The following ASPHD2 variants were observed in gnomAD, a reference collection of about 807,000 sequenced individuals.
ASPHD2 encodes aspartate beta-hydroxylase domain containing 2.
In ASPHD2, 12 loss-of-function variants were observed where a neutral mutation model predicts 34.6. That is an observed-to-expected ratio of 0.35 (90% CI 0.22 to 0.56). The LOEUF is 0.56. Ranked by LOEUF, ASPHD2 falls within the 20% of genes least tolerant of loss-of-function variation. The pLI is 0.87. For missense variants in ASPHD2, 375 were observed against 505.0 expected (o/e 0.74, Z 2.47); for synonymous variants, 224 against 212.2 (o/e 1.06, Z -0.48).
chr22:26,436,167 G>C (rs1469072072), intron 2 of ASPHD2, among the ~76,000 whole-genome samples: 5 of 152,224 alleles, frequency 3.3e-5, no homozygotes, highest in African/African-American at 1.2e-4. Context: ...TCAGGTCCTG[G>C]CCTCGCCCCA....
intron 2 of ASPHD2, among the ~76,000 whole-genome samples, chr22:26,435,732 AAAGAAAAGAAAAGAAAAG>A (rs1568982940): frequency 2.3e-5 from 3 of 133,146 alleles, no homozygotes; most frequent in African/African-American, 8.6e-5. Flanking sequence ...AAAGAAAAGA[AAAGAAAAGAAAAGAAAAG>A]AAAAGAAAAG....
intron 1 of ASPHD2, among the ~76,000 whole-genome samples, chr22:26,430,986 A>G (rs2084752676): frequency 6.6e-6 from 1 of 152,126 alleles, no homozygotes; most frequent in Non-Finnish European, 1.5e-5. Context: ...CTGTGTCTGC[A>G]TTTTGCTTGA....
At chr22:26,437,835 G>A (rs1239821385) in intron 2 of ASPHD2, among the ~76,000 whole-genome samples, 1 of 152,104 alleles carries the variant, frequency 6.6e-6, no homozygotes, top group Non-Finnish European at 1.5e-5. Flanking sequence ...GGGCTCGGTA[G>A]GGACAGAGCA....
In ASPHD2 at chr22:26,434,034, C is replaced by T. The variant is rs1441385535; in HGVS notation, c.419C>T (p.Ser140Phe). 1 of 1,613,390 alleles carries T rather than the reference C, an allele frequency of 6.2e-7. No individual in the cohort carries two copies. Among genetic ancestry groups the T allele is most frequent in the East Asian group, 2.2e-5 (1 of 44,876 alleles). Reference protein sequence around the residue: ...LQEYAKRYSWSGMGRIHKGIR... With the variant: ...LQEYAKRYSWFGMGRIHKGIR... ...GAGTACGCCAAGCGCTACTCCTGGT[C>T]CGGCATGGGCCGCATCCACAAGGGC... Residue 140 changes from serine (S) to phenylalanine (F), a missense_variant, in exon 2 of 4, where the codon TCC becomes TTC. By Grantham distance (155) the Ser-to-Phe change is radical (BLOSUM62 -2). Around this residue, in one of 3 missense-constraint regions of ASPHD2, gnomAD observed 223 missense variants for 257.8 expected, o/e 0.87. Transcript: ENST00000215906.
In ASPHD2 at chr22:26,444,272, A is replaced by G. The variant is rs1245371817; in HGVS notation, c.*1066A>G. ...TTTGTCTGTACATAAATGTTCAAAC[A>G]CTAGACTTGGAGATAGTGGAAGAGT... On this transcript the variant is annotated 3_prime_UTR_variant, in exon 4 of 4. Transcript: ENST00000215906. 6.6e-6 allele frequency: 1 copy of G among 151,760 alleles called. No homozygotes were observed. Among genetic ancestry groups the G allele is most frequent in the Non-Finnish European group, 1.5e-5 (1 of 67,976 alleles). 9.4% of individuals were successfully genotyped at this position (151,760 alleles called of 1,614,324 possible).
chr22:26,438,484 T>TACACAC (rs1568983841), intron 2 of ASPHD2, among the ~76,000 whole-genome samples: 2 of 96,654 alleles, frequency 2.1e-5, no homozygotes, highest in Non-Finnish European at 4.5e-5. Context: ...TATATACATA[T>TACACAC]ATATAGATAC....
At chr22:26,442,248 A>G (rs2084852587) in intron 2 of ASPHD2, among the ~76,000 whole-genome samples, 1 of 152,166 alleles carries the variant, frequency 6.6e-6, no homozygotes, top group South Asian at 2.1e-4. Flanking sequence ...CCCACCTCCT[A>G]ACACCATCAC....
chr22:26,434,148 A>C lies in ASPHD2; in HGVS notation c.533A>C (p.Tyr178Ser). Residue 178 changes from tyrosine to serine, a missense_variant, in exon 2 of 4, where the codon TAT (tyrosine) becomes TCT (serine). Around this residue, in one of 3 missense-constraint regions of ASPHD2, gnomAD observed 223 missense variants for 257.8 expected, o/e 0.87. Coordinates refer to ENST00000215906, the MANE Select transcript of ASPHD2 (RefSeq NM_020437.5). Reference sequence around the variant, plus strand: ...CTGCCCGACCTGCCCACCACGCCCTATTTCTCCCGGGACGCACAGAAACAT... The same window carrying C: ...CTGCCCGACCTGCCCACCACGCCCTCTTTCTCCCGGGACGCACAGAAACAT... ...FFLPDLPTTP[Y>S]FSRDAQKHDV... is the part of the protein sequence containing the mutation. 6.2e-7 allele frequency: 1 copy of C among 1,611,940 alleles called. No individual in the cohort carries two copies. Among genetic ancestry groups the C allele is most frequent in the South Asian group, 1.1e-5 (1 of 91,030 alleles).
At position 26,444,929 on chromosome 22, in the gene ASPHD2, A is replaced by G. The variant is rs2084903031; in HGVS notation, c.*1723A>G. 1 of 152,222 alleles carries G rather than the reference A, an allele frequency of 6.6e-6. No homozygotes were observed. The highest frequency in any genetic ancestry group is 1.9e-4 in the East Asian group (1 of 5,198). The allele number at this position is 152,222 out of a possible 1,614,324, so 9.4% of individuals were successfully genotyped here. On this transcript the variant is annotated 3_prime_UTR_variant, in exon 4 of 4. Transcript: ENST00000215906. ...GCTCTGCTCTGCGTTTACAAAACCA[A>G]CAGCCCGCGCAGGTACCTAGCTACC...
intron 2 of ASPHD2, among the ~76,000 whole-genome samples, chr22:26,436,940 C>G (rs2084796414): frequency 6.6e-6 from 1 of 152,006 alleles, no homozygotes; most frequent in Non-Finnish European, 1.5e-5. Context: ...TAGGTACTTG[C>G]CAGAAAAAGT....
intron 2 of ASPHD2, among the ~76,000 whole-genome samples, chr22:26,438,574 T>TATATACATATATATACACAC (rs1568983997): frequency 1.4e-5 from 1 of 72,938 alleles, no homozygotes; most frequent in Non-Finnish European, 3.2e-5. Flanking sequence ...TACACATACA[T>TATATACATATATATACACAC]ATATATACAT....
In ASPHD2 at chr22:26,433,591, C is replaced by T. The variant is rs1193092251; in HGVS notation, c.-25C>T. The T allele has an allele frequency of 1.4e-5, 23 of 1,586,290 alleles. No individual in the cohort carries two copies. Among genetic ancestry groups the T allele is most frequent in the Non-Finnish European group, 1.8e-5 (21 of 1,167,430 alleles). On this transcript the variant is annotated 5_prime_UTR_variant, in exon 2 of 4. Transcript: ENST00000215906. This position sits in a 1 kb window ranked among gnomAD's most constrained non-coding sequence, Gnocchi z 5.1. ...GCCATGCCTCCCCCTGCCCCAGCCG[C>T]TCCTTCCCCCCCACGCTAATCTGCA... is the stretch of plus-strand genomic sequence containing the variant.
rs752845158 is a variant in ASPHD2, at chr22:26,442,132, GA to G, written c.887-320del. Among the ~76,000 whole-genome samples, 855 of 146,458 alleles carry G rather than the reference GA, an allele frequency of 5.8e-3. 5 individuals carry two copies. The highest frequency in any genetic ancestry group is 0.015 in the Middle Eastern group (4 of 274). On this transcript the variant is annotated intron_variant, in intron 2 of 3. Coordinates refer to ENST00000215906, the MANE Select transcript of ASPHD2 (RefSeq NM_020437.5). ...AAAAAAAAAAAAAAAAAAGGGAAAA[GA>G]AAAAAAGATGCAAAAGGAGGTAAAG...
intron 1 of ASPHD2, among the ~76,000 whole-genome samples, chr22:26,431,004 G>C (rs1568980983): frequency 6.6e-6 from 1 of 152,156 alleles, no homozygotes; most frequent in Non-Finnish European, 1.5e-5. Context: ...TGACTTAAGT[G>C]ATCAGCAGGG....
intron 2 of ASPHD2, among the ~76,000 whole-genome samples, chr22:26,438,608 C>CATAT (rs35169865): frequency 2.3e-5 from 3 of 128,992 alleles, no homozygotes; most frequent in Admixed American, 7.9e-5. Context: ...CACATATATA[C>CATAT]ATATATATAT....
chr22:26,439,490 C>G lies in ASPHD2; in HGVS notation c.887-2969C>G, dbSNP rs562919786. 2.6e-5 allele frequency among the ~76,000 whole-genome samples: 4 copies of G among 152,334 alleles called. No individual in the cohort carries two copies. In the East Asian group the frequency reaches 7.7e-4, roughly 29 times the overall value. On this transcript the variant is annotated intron_variant, in intron 2 of 3. Transcript: ENST00000215906. ...GTATAACAACTAGCATTTATATCAT[C>G]ATGTCCAGTTTTATAACAGCCTGTT...
rs1449339225 is a variant in ASPHD2, at chr22:26,429,328, T to TAGGCTCGGGCTC, written c.-382_-371dup. The stretch of plus-strand genomic sequence containing the variant: ...CACCGGCAGGGGCACCGGCGCGGCT[T>TAGGCTCGGGCTC]AGGCTCGGGCTCGGGCTCCGGCTCG... On this transcript the variant is annotated 5_prime_UTR_variant, in exon 1 of 4. Transcript: ENST00000215906. This position sits in a 1 kb window ranked among gnomAD's most constrained non-coding sequence, Gnocchi z 4.5. 6.7e-6 allele frequency: 1 copy of TAGGCTCGGGCTC among 150,012 alleles called. No homozygotes were observed. Among genetic ancestry groups the TAGGCTCGGGCTC allele is most frequent in the Non-Finnish European group, 1.5e-5 (1 of 67,854 alleles). The allele number at this position is 150,012 out of a possible 1,614,324, so 9.3% of individuals were successfully genotyped here.
intron 1 of ASPHD2, among the ~76,000 whole-genome samples, chr22:26,431,968 G>T (rs2084759365): frequency 6.6e-6 from 1 of 152,238 alleles, no homozygotes; most frequent in African/African-American, 2.4e-5. Flanking sequence ...GGCTGAGGTG[G>T]ACGGATCACC....
At chr22:26,434,734 C>T (rs2084780377) in intron 2 of ASPHD2, among the ~76,000 whole-genome samples, 1 of 152,242 alleles carries the variant, frequency 6.6e-6, no homozygotes, top group South Asian at 2.1e-4. Flanking sequence ...AAAGAACTTT[C>T]TGCAGTGACA....
Sources: gnomAD v4.1 joint callset for allele counts (sites outside exome capture counted in the v4.1 genomes callset) on GRCh38, gnomAD v4.1.1 for gene constraint, gnomAD v4.1.1 regional missense constraint, Gnocchi (gnomAD v3.1) non-coding constraint, MANE v1.5 for transcripts, NCBI Gene and HGNC (gene_info 2026-07-23, HGNC 2026-07-21) for gene names.